DGKG: variants seen among roughly 807,000 people sequenced by gnomAD.
The protein encoded by DGKG is diacylglycerol kinase gamma.
Under a neutral mutation model 105.3 loss-of-function variants are expected in DGKG, and 78 were observed. The ratio of observed to expected loss-of-function variants is 0.74; its 90% confidence interval spans 0.62 to 0.89. The LOEUF is 0.89. Among genes scored for constraint, DGKG ranks in the 40% least tolerant of loss-of-function variants. The pLI, the probability that DGKG is intolerant of heterozygous loss-of-function variation, is 0.00. For synonymous variants in DGKG, 346 were observed against 367.1 expected (o/e 0.94, Z 0.66); for missense variants, 958 against 1,020.1 (o/e 0.94, Z 0.83).
intron 10 of DGKG, among the ~76,000 whole-genome samples, chr3:186,274,918 G>T (rs1400647694): frequency 1.3e-5 from 2 of 152,124 alleles, no homozygotes; most frequent in African/African-American, 4.8e-5. Context: ...TGGGATGGCT[G>T]GGTCAAATGG....
At chr3:186,322,246 TA>T (rs1217250957) in intron 1 of DGKG, among the ~76,000 whole-genome samples, 5 of 151,964 alleles carry the variant, frequency 3.3e-5, no homozygotes, top group Non-Finnish European at 5.9e-5. Context: ...TACACAGCCA[TA>T]AAAAAGAATG....
rs183604788 is a variant in DGKG, at chr3:186,331,378, T to A, written c.-248-10671A>T. Among the ~76,000 whole-genome samples, 24 of 152,360 alleles carry A rather than the reference T, an allele frequency of 1.6e-4. No homozygotes were observed. The East Asian group carries it at 4.2e-3, about 27-fold the overall frequency. On this transcript the variant is annotated intron_variant, in intron 1 of 24. Coordinates refer to ENST00000265022, the MANE Select transcript of DGKG (RefSeq NM_001346.3). Reference sequence around the variant, plus strand: ...TGGGGAACTTTGCAATGATCTAATTTAAGTTTATGAGTGGTAAATATGAGT... The same window carrying A: ...TGGGGAACTTTGCAATGATCTAATTAAAGTTTATGAGTGGTAAATATGAGT...
At chr3:186,291,820 G>A (rs534220786) in intron 5 of DGKG, among the ~76,000 whole-genome samples, 32 of 152,250 alleles carry the variant, frequency 2.1e-4, no homozygotes, top group African/African-American at 7.5e-4. Context: ...ATTAATTGTG[G>A]TACTAGTTTT....
At chr3:186,235,132 C>CT (rs1349232083) in intron 20 of DGKG, among the ~76,000 whole-genome samples, 1 of 152,078 alleles carries the variant, frequency 6.6e-6, no homozygotes, top group Non-Finnish European at 1.5e-5. Context: ...ATTTTTGTGG[C>CT]TTAGTATATA....
chr3:186,225,731 A>C (rs535032128), intron 20 of DGKG, among the ~76,000 whole-genome samples: 1 of 152,278 alleles, frequency 6.6e-6, no homozygotes, highest in African/African-American at 2.4e-5. Flanking sequence ...ATTTACATGA[A>C]CTGCCTGCCT....
chr3:186,277,470 T>C (rs1722639186), intron 9 of DGKG, among the ~76,000 whole-genome samples: 1 of 152,234 alleles, frequency 6.6e-6, no homozygotes, highest in Non-Finnish European at 1.5e-5. Context: ...GCCCATGCTC[T>C]TTCCATCCTG....
chr3:186,351,575 G>A (rs776842796), intron 1 of DGKG, among the ~76,000 whole-genome samples: 1 of 152,218 alleles, frequency 6.6e-6, no homozygotes, highest in East Asian at 1.9e-4. Flanking sequence ...AGTTAAAAGA[G>A]AAGGGAATGA....
intron 2 of DGKG, among the ~76,000 whole-genome samples, chr3:186,314,398 C>G (rs896201355): frequency 6.6e-6 from 1 of 152,110 alleles, no homozygotes; most frequent in African/African-American, 2.4e-5. Context: ...CTCTTCTGGA[C>G]GTAGTAGTCT....
intron 21 of DGKG, among the ~76,000 whole-genome samples, chr3:186,190,145 G>A (rs1717835260): frequency 1.3e-5 from 2 of 152,200 alleles, no homozygotes; most frequent in South Asian, 4.1e-4. Context: ...ACAAGTGGAA[G>A]TACACAGATT....
Position 186,272,324 on chromosome 3 carries a change from G to T in DGKG, c.930C>A (p.His310Gln). Residue 310 changes from histidine (H) to glutamine (Q), a missense_variant, in exon 11 of 25, where the codon CAC becomes CAA. This residue lies in a region of DGKG where 643 missense variants were observed against 619.5 expected (regional missense o/e 1.04). Coordinates refer to ENST00000265022, the MANE Select transcript of DGKG (RefSeq NM_001346.3). Reference protein sequence around the residue: ...LCCTYCKYTVHERCVSRNIPG... With the variant: ...LCCTYCKYTVQERCVSRNIPG... ...GAATGTTTCTGGACACACAGCGTTCGTGGACAGTGTATTTACAGTCTGAAA... is the reference window on the plus strand; with the variant it reads ...GAATGTTTCTGGACACACAGCGTTCTTGGACAGTGTATTTACAGTCTGAAA... 6.2e-7 allele frequency: 1 copy of T among 1,613,420 alleles called. No individual in the cohort carries two copies. The highest frequency in any genetic ancestry group is 8.5e-7 in the Non-Finnish European group (1 of 1,179,412).
intron 22 of DGKG, among the ~76,000 whole-genome samples, chr3:186,165,421 A>C (rs1716493387): frequency 6.6e-6 from 1 of 152,228 alleles, no homozygotes. Context: ...AAGCTGGACC[A>C]AGTCTCTCTT....
At chr3:186,230,724 T>A (rs1050080639) in intron 20 of DGKG, among the ~76,000 whole-genome samples, 2 of 151,962 alleles carry the variant, frequency 1.3e-5, no homozygotes, top group Admixed American at 1.3e-4. Flanking sequence ...GGATGGAACA[T>A]CTTGGGGACC....
intron 2 of DGKG, among the ~76,000 whole-genome samples, chr3:186,310,939 A>G (rs1724512203): frequency 1.2e-5 from 1 of 80,850 alleles, no homozygotes; most frequent in Non-Finnish European, 2.5e-5. Flanking sequence ...AATTTAAGTG[A>G]TTCTTTCAAG....
intron 2 of DGKG, among the ~76,000 whole-genome samples, chr3:186,318,886 A>G (rs562090901): frequency 1.3e-3 from 205 of 152,236 alleles, no homozygotes; most frequent in African/African-American, 4.7e-3. Flanking sequence ...TTGGTTTTTG[A>G]TCCCCTTCTC....
chr3:186,203,369 T>C lies in DGKG; in HGVS notation c.1917+8426A>G, dbSNP rs1718569608. 2.0e-5 allele frequency among the ~76,000 whole-genome samples: 3 copies of C among 152,252 alleles called. No homozygotes were observed. Among genetic ancestry groups the C allele is most frequent in the Admixed American group, 6.5e-5 (1 of 15,288 alleles). On this transcript the variant is annotated intron_variant, in intron 21 of 24. Coordinates refer to ENST00000265022, the MANE Select transcript of DGKG (RefSeq NM_001346.3). The surrounding 1 kb of genome is among the most constrained non-coding windows in gnomAD (Gnocchi z 4.9). The stretch of plus-strand genomic sequence containing the variant: ...AACGAGGCCAATGTTGTAGCAGTGC[T>C]GATTCCTGGTTGGTGGGATTGGGGG...
chr3:186,273,363 A>AC (rs35587972), intron 10 of DGKG, among the ~76,000 whole-genome samples: 11,827 of 73,368 alleles, frequency 0.16, 1,590 homozygotes, highest in Admixed American at 0.21. Flanking sequence ...AGACTGTTGT[A>AC]CCCCTTTTTT....
At position 186,164,941 on chromosome 3, in the gene DGKG, T is replaced by C. The variant is rs765327459; in HGVS notation, c.2173A>G (p.Ser725Gly). ...CACTGGGCCAGCCTCCTGCCTGCAC[T>C]CTTCAGGCCGGTGTAGATCTGCCCC... is the stretch of plus-strand genomic sequence containing the variant. The part of the protein sequence containing the change: ...EMGQIYTGLK[S>G]AGRRLAQCAS... Residue 725 changes from serine to glycine, a missense_variant, in exon 23 of 25, where the codon AGT (serine) becomes GGT (glycine). By Grantham distance (56) the Ser-to-Gly change is moderately conservative. Transcript: ENST00000265022. The C allele has an allele frequency of 5.6e-6, 9 of 1,613,966 alleles. No homozygotes were observed. Among genetic ancestry groups the C allele is most frequent in the South Asian group, 1.1e-5 (1 of 91,062 alleles).
intron 10 of DGKG, among the ~76,000 whole-genome samples, chr3:186,273,345 C>T (rs866365849): frequency 5.0e-5 from 7 of 139,082 alleles, no homozygotes; most frequent in African/African-American, 1.6e-4. Context: ...TTTGAACTGG[C>T]GCTGGGGAGA....
In DGKG at chr3:186,268,917, C is replaced by A; in HGVS notation, c.1000G>T (p.Val334Leu). The change falls in exon 12 of 25, where the codon GTG (valine) becomes TTG (leucine). Residue 334 changes from valine to leucine, a missense_variant and splice_region_variant. Val to Leu is a conservative substitution (Grantham distance 32). This residue lies in a region of DGKG where 643 missense variants were observed against 619.5 expected (regional missense o/e 1.04). Coordinates refer to ENST00000265022, the MANE Select transcript of DGKG (RefSeq NM_001346.3). ...CCTTCCACCCATGCGTGCTGCATCA[C>A]CTGCGGGAGGGAAGCGAACGATGCC... ...TYSKAKRSGE[V>L]MQHAWVEGNS... is the part of the protein sequence containing the mutation. The A allele has an allele frequency of 6.2e-7, 1 of 1,610,492 alleles. No individual in the cohort carries two copies. Among genetic ancestry groups the A allele is most frequent in the Non-Finnish European group, 8.5e-7 (1 of 1,176,962 alleles).
Sources: gnomAD v4.1 joint callset for allele counts (sites outside exome capture counted in the v4.1 genomes callset) on GRCh38, gnomAD v4.1.1 for gene constraint, gnomAD v4.1.1 regional missense constraint, Gnocchi (gnomAD v3.1) non-coding constraint, MANE v1.5 for transcripts, NCBI Gene and HGNC (gene_info 2026-07-23, HGNC 2026-07-21) for gene names.